The following EYS variants were observed in gnomAD, a reference collection of about 807,000 sequenced individuals.
EYS encodes EGF-like photoreceptor maintenance factor.
A neutral mutation model predicts 282.1 loss-of-function variants in EYS; 250 were observed. The ratio of observed to expected loss-of-function variants is 0.89; its 90% CI spans 0.80 to 0.98. The LOEUF (loss-of-function observed/expected upper bound fraction) is 0.98. Ranked by LOEUF, EYS falls within the 50% of genes least tolerant of loss-of-function variation. The pLI, the probability that EYS is intolerant of heterozygous loss-of-function variation, is 0.00. For synonymous variants in EYS, 1,355 were observed against 1,282.9 expected, an observed-to-expected ratio of 1.06 and a Z score of -1.20; for missense variants, 4,016 against 3,709.0, an observed-to-expected ratio of 1.08 and a Z score of -2.15.
At chr6:64,843,497 C>T (rs1268533877) in intron 19 of EYS, among the ~76,000 whole-genome samples, 2 of 152,176 alleles carry the variant, frequency 1.3e-5, no homozygotes, top group East Asian at 3.9e-4. Flanking sequence ...GACATGGAGT[C>T]AAAGGAGATT....
At chr6:64,873,306 C>T (rs953589874) in intron 19 of EYS, among the ~76,000 whole-genome samples, 2 of 152,054 alleles carry the variant, frequency 1.3e-5, no homozygotes, top group African/African-American at 4.8e-5. Flanking sequence ...AGACCCATCC[C>T]CATGATTCAA....
intron 2 of EYS, among the ~76,000 whole-genome samples, chr6:65,591,351 T>A (rs1185055414): frequency 6.6e-6 from 1 of 150,530 alleles, no homozygotes; most frequent in Non-Finnish European, 1.5e-5. Flanking sequence ...ATACTTAATC[T>A]GTGTGTGTGT....
chr6:64,340,970 T>C (rs879036819), intron 29 of EYS, among the ~76,000 whole-genome samples: 2 of 151,730 alleles, frequency 1.3e-5, no homozygotes, highest in Non-Finnish European at 2.9e-5. Flanking sequence ...AAAATGCTCA[T>C]TGTCACTAAT....
intron 33 of EYS, among the ~76,000 whole-genome samples, chr6:64,022,464 A>T (rs973249848): frequency 2.0e-5 from 3 of 152,208 alleles, no homozygotes; most frequent in Non-Finnish European, 4.4e-5. Context: ...GGCATTAAGT[A>T]CTTTTATAAT....
At chr6:65,568,063 T>C (rs1424206753) in intron 2 of EYS, among the ~76,000 whole-genome samples, 1 of 152,072 alleles carries the variant, frequency 6.6e-6, no homozygotes, top group Non-Finnish European at 1.5e-5. Context: ...TCATTATCTA[T>C]TGCAGAAAAG....
intron 19 of EYS, among the ~76,000 whole-genome samples, chr6:64,877,778 A>T (rs931257958): frequency 2.6e-5 from 4 of 152,182 alleles, no homozygotes; most frequent in Middle Eastern, 3.2e-3. Context: ...TCTTTTTTTT[A>T]AACAAATCGA....
chr6:65,443,263 CAA>C (rs1457271353), intron 5 of EYS, among the ~76,000 whole-genome samples: 1 of 148,522 alleles, frequency 6.7e-6, no homozygotes, highest in Non-Finnish European at 1.5e-5. Context: ...TACATATATG[CAA>C]ACATATAGAC....
intron 13 of EYS, among the ~76,000 whole-genome samples, chr6:65,049,330 G>T (rs974972343): frequency 6.6e-6 from 1 of 151,680 alleles, no homozygotes; most frequent in African/African-American, 2.4e-5. Flanking sequence ...ATTCCCACAG[G>T]TTCTTTTGCC....
At chr6:64,989,511 A>C (rs1770984253) in intron 14 of EYS, among the ~76,000 whole-genome samples, 1 of 136,978 alleles carries the variant, frequency 7.3e-6, no homozygotes, top group South Asian at 2.2e-4. Flanking sequence ...GAAACATGTA[A>C]TACATAAAAT....
chr6:65,472,441 T>C (rs1044743938), intron 5 of EYS, among the ~76,000 whole-genome samples: 1 of 152,080 alleles, frequency 6.6e-6, no homozygotes, highest in African/African-American at 2.4e-5. Context: ...ATGGAAAAGT[T>C]TGTGGAACAA....
At chr6:64,438,507 C>G (rs1371526372) in intron 27 of EYS, among the ~76,000 whole-genome samples, 9 of 151,590 alleles carry the variant, frequency 5.9e-5, no homozygotes, top group Non-Finnish European at 1.5e-5. Context: ...TCTTGAGGAT[C>G]CTCTAAAAAT....
At position 64,531,389 on chromosome 6, in the gene EYS, TTTTG is replaced by T. The variant is rs1178248497; in HGVS notation, c.5644+58830_5644+58833del. On this transcript the variant is annotated intron_variant, in intron 26 of 42. Coordinates refer to ENST00000503581, the MANE Select transcript of EYS (RefSeq NM_001142800.2). ...AATTGATGAAAAATTGAGTTTTGTT[TTTTG>T]TTTTTTTTTTTTGAGATGGAGTCTC... 3.1e-3 allele frequency among the ~76,000 whole-genome samples: 140 copies of T among 44,572 alleles called. 2 individuals carry two copies. The highest frequency in any genetic ancestry group is 0.01 in the East Asian group (4 of 388). The allele number at this position is 44,572 out of a possible 152,430, so 29.2% of individuals were successfully genotyped here. A position where few individuals can be genotyped will look rare whatever the true frequency, so the allele number is the denominator to read the frequency against.
intron 22 of EYS, among the ~76,000 whole-genome samples, chr6:64,777,479 T>C (rs1336214909): frequency 6.6e-6 from 1 of 152,114 alleles, no homozygotes; most frequent in East Asian, 1.9e-4. Context: ...TTTCTGTGTT[T>C]ATAGTGCCTT....
At chr6:64,363,890 G>A (rs1430186943) in intron 29 of EYS, among the ~76,000 whole-genome samples, 2 of 151,870 alleles carry the variant, frequency 1.3e-5, no homozygotes, top group Admixed American at 6.6e-5. Flanking sequence ...GGCAGAATAA[G>A]TGTAGTCATA....
intron 12 of EYS, among the ~76,000 whole-genome samples, chr6:65,281,416 G>T (rs1378868499): frequency 6.6e-6 from 1 of 151,968 alleles, no homozygotes; most frequent in African/African-American, 2.4e-5. Flanking sequence ...GGGATAATTA[G>T]TCTCTGTCTA....
At chr6:64,539,808 C>T (rs1582870621) in intron 26 of EYS, among the ~76,000 whole-genome samples, 1 of 152,282 alleles carries the variant, frequency 6.6e-6, no homozygotes, top group East Asian at 1.9e-4. Context: ...AACTAACATG[C>T]ATGTCCTCAT....
intron 41 of EYS, chr6:63,745,052 A>G (rs764952027): frequency 2.4e-6 from 1 of 420,920 alleles, no homozygotes. Flanking sequence ...CAGATGCCAA[A>G]AAAGGTGAAA....
intron 26 of EYS, among the ~76,000 whole-genome samples, chr6:64,582,587 T>TC (rs1766108328): frequency 6.6e-6 from 1 of 150,782 alleles, no homozygotes. Context: ...CCTTGGTCTT[T>TC]TTTTTTTTTT....
chr6:64,811,862 C>T (rs1256678854), intron 22 of EYS, among the ~76,000 whole-genome samples: 3 of 152,106 alleles, frequency 2.0e-5, no homozygotes, highest in African/African-American at 7.2e-5. Flanking sequence ...GTTATAGCAA[C>T]ACTAAATGGA....
Sources: gnomAD v4.1 joint callset for allele counts (sites outside exome capture counted in the v4.1 genomes callset) on GRCh38, gnomAD v4.1.1 for gene constraint, MANE v1.5 for transcripts, NCBI Gene and HGNC (gene_info 2026-07-23, HGNC 2026-07-21) for gene names.